Variants in ATF1 observed in about 807,000 individuals in gnomAD.
ATF1 encodes activating transcription factor 1.
ATF1 carries 16 observed loss-of-function variants against 34.7 expected under a neutral mutation model. That is an observed-to-expected ratio of 0.46 (90% confidence interval 0.31 to 0.70). The LOEUF (loss-of-function observed/expected upper bound fraction) is 0.70, where lower values mean the gene tolerates loss of function less well. ATF1 is among the 30% of genes least tolerant of loss of function. The probability of loss-of-function intolerance (pLI) is 0.05; values close to 1 mark genes in which losing one functional copy is unlikely to be tolerated. For missense variants in ATF1, 255 were observed against 321.6 expected (o/e 0.79, Z 1.58); for synonymous variants, 105 against 113.1 (o/e 0.93, Z 0.46).
intron 2 of ATF1, among the ~76,000 whole-genome samples, chr12:50,791,566 G>A (rs1165473570): frequency 2.0e-5 from 3 of 150,640 alleles, no homozygotes; most frequent in Non-Finnish European, 4.4e-5. Flanking sequence ...AAAAAAAAAA[G>A]AAAAACAGGG....
upstream of ATF1, chr12:50,763,867 C>G (rs968288187): frequency 2.6e-5 from 4 of 152,178 alleles, no homozygotes; most frequent in Admixed American, 2.6e-4. Context: ...GAACCGCAGG[C>G]ACCGTCCCTC....
At chr12:50,809,039 G>A (rs1355676312) in intron 3 of ATF1, among the ~76,000 whole-genome samples, 1 of 151,518 alleles carries the variant, frequency 6.6e-6, no homozygotes, top group African/African-American at 2.4e-5. Flanking sequence ...TGACTGGCCC[G>A]ATTATTATAA....
intron 6 of ATF1, among the ~76,000 whole-genome samples, chr12:50,817,838 A>AACTT (rs1347688116): frequency 6.6e-6 from 1 of 152,196 alleles, no homozygotes; most frequent in African/African-American, 2.4e-5. Flanking sequence ...AATTATTCCA[A>AACTT]ACTTTGTGCA....
chr12:50,789,622 G>A (rs934745909), intron 2 of ATF1, among the ~76,000 whole-genome samples: 4 of 152,096 alleles, frequency 2.6e-5, no homozygotes, highest in Admixed American at 6.5e-5. Context: ...GCCGGAAGTA[G>A]TGGGCGCCTG....
In ATF1 at chr12:50,812,561, T is replaced by C. The variant is rs1337618057; in HGVS notation, c.329-1449T>C. Among the ~76,000 whole-genome samples, 4 of 152,220 alleles carry C rather than the reference T, an allele frequency of 2.6e-5. No homozygotes were observed. The South Asian group carries it at 8.3e-4, about 32-fold the overall frequency. ...TCACAGCAAATCTCAGCCTGGCGTG[T>C]TGGATCACGCCTGTAATCCCTGCAC... On this transcript the variant is annotated intron_variant, in intron 4 of 6. Transcript: ENST00000262053.
At position 50,816,830 on chromosome 12, in the gene ATF1, G is replaced by T. The variant is rs1031540643; in HGVS notation, c.671+2391G>T. On this transcript the variant is annotated intron_variant, in intron 6 of 6. Coordinates refer to ENST00000262053, the MANE Select transcript of ATF1 (RefSeq NM_005171.5). ...GCCATGATCACGCCATTGTACTTCA[G>T]CCTGGGCAACAGAGCAAGACTCTTG... 5.9e-5 allele frequency among the ~76,000 whole-genome samples: 9 copies of T among 152,182 alleles called. No individual in the cohort carries two copies. The South Asian group carries it at 1.7e-3, about 28-fold the overall frequency.
chr12:50,813,398 T>C (rs945022386), intron 4 of ATF1, among the ~76,000 whole-genome samples: 4 of 152,272 alleles, frequency 2.6e-5, no homozygotes, highest in African/African-American at 9.6e-5. Context: ...TTTTATTCTA[T>C]TGAATTTTTT....
chr12:50,807,810 TTTG>T (rs1227148523), intron 3 of ATF1, among the ~76,000 whole-genome samples: 1 of 125,018 alleles, frequency 8.0e-6, no homozygotes, highest in Non-Finnish European at 1.8e-5. Flanking sequence ...GTGTTTTTTT[TTTG>T]TTTTTTTTTT....
chr12:50,802,191 T>C (rs1464742390), intron 3 of ATF1, among the ~76,000 whole-genome samples: 1 of 152,214 alleles, frequency 6.6e-6, no homozygotes, highest in Admixed American at 6.5e-5. Flanking sequence ...TTTATAAATT[T>C]AAATTATACT....
chr12:50,792,238 A>T (rs969320962), intron 2 of ATF1, among the ~76,000 whole-genome samples: 7 of 152,136 alleles, frequency 4.6e-5, no homozygotes, highest in African/African-American at 1.7e-4. Context: ...TGTACTCTCA[A>T]TCCCTAGTTC....
chr12:50,773,203 T>C (rs985633100), intron 1 of ATF1, among the ~76,000 whole-genome samples: 5 of 152,192 alleles, frequency 3.3e-5, no homozygotes, highest in African/African-American at 9.7e-5. Context: ...TCTTTGCTAT[T>C]GTGAATAGTG....
At chr12:50,776,030 AGGCTG>A (rs1940911476) in intron 1 of ATF1, among the ~76,000 whole-genome samples, 1 of 152,020 alleles carries the variant, frequency 6.6e-6, no homozygotes, top group Non-Finnish European at 1.5e-5. Flanking sequence ...TTTAAAAATT[AGGCTG>A]GGCACGGTGG....
chr12:50,780,068 A>G (rs1403152037), intron 1 of ATF1, 72 bp from the exon 2 acceptor site: 1 of 1,132,264 alleles, frequency 8.8e-7, no homozygotes, highest in East Asian at 2.6e-5. Flanking sequence ...ATCAATTTTT[A>G]TATGATTCTA....
intron 1 of ATF1, among the ~76,000 whole-genome samples, chr12:50,774,092 C>T (rs575835026): frequency 2.0e-5 from 3 of 152,102 alleles, no homozygotes; most frequent in African/African-American, 7.2e-5. Flanking sequence ...AGTGCATTGG[C>T]ACTATCTCAG....
At chr12:50,771,912 G>A (rs117608852) in intron 1 of ATF1, among the ~76,000 whole-genome samples, 2,884 of 152,240 alleles carry the variant, frequency 0.019, 38 homozygotes, top group Admixed American at 0.03. Context: ...TACCCTGTAT[G>A]GTTTAAAAAG....
chr12:50,796,953 G>A (rs1273129088), intron 3 of ATF1, among the ~76,000 whole-genome samples: 1 of 152,048 alleles, frequency 6.6e-6, no homozygotes, highest in Admixed American at 6.6e-5. Flanking sequence ...AGGAAACAAA[G>A]CAACAAAATG....
chr12:50,789,249 G>A (rs1350509098), intron 2 of ATF1, among the ~76,000 whole-genome samples: 1 of 152,012 alleles, frequency 6.6e-6, no homozygotes, highest in African/African-American at 2.4e-5. Context: ...TGTAATTTTA[G>A]TAGAGACGGG....
rs556912658 is a variant in ATF1, at chr12:50,770,035, G to C, written c.-7+5728G>C. On this transcript the variant is annotated intron_variant, in intron 1 of 6. Coordinates refer to ENST00000262053, the MANE Select transcript of ATF1 (RefSeq NM_005171.5). ...CCTTTGTTTTGTTTTTCAGAGTCAA[G>C]GAAACTTTTCATTTGAGCTATTTAC... 2.0e-5 allele frequency among the ~76,000 whole-genome samples: 3 copies of C among 152,294 alleles called. No individual in the cohort carries two copies. The South Asian group carries it at 6.2e-4, about 32-fold the overall frequency.
At chr12:50,802,398 G>A (rs1194459512) in intron 3 of ATF1, among the ~76,000 whole-genome samples, 2 of 151,966 alleles carry the variant, frequency 1.3e-5, no homozygotes, top group African/African-American at 4.8e-5. Context: ...GGTGGCACGC[G>A]CCTGTAGTTC....
Sources: gnomAD v4.1 joint callset for allele counts (sites outside exome capture counted in the v4.1 genomes callset) on GRCh38, gnomAD v4.1.1 for gene constraint, MANE v1.5 for transcripts, NCBI Gene and HGNC (gene_info 2026-07-23, HGNC 2026-07-21) for gene names.